The following TRPC7 variants were observed in gnomAD, a reference collection of about 807,000 sequenced individuals.
The protein encoded by TRPC7 is transient receptor potential cation channel subfamily C member 7, also known as short transient receptor potential channel 7.
In TRPC7, 42 loss-of-function variants were observed where a neutral mutation model predicts 90.1. The observed-to-expected ratio is 0.47, with a 90% CI of 0.36 to 0.60. The LOEUF (loss-of-function observed/expected upper bound fraction) is 0.60. Ranked by LOEUF, TRPC7 falls within the 20% of genes least tolerant of loss-of-function variation. The pLI is 0.00. For synonymous variants in TRPC7, 451 were observed against 436.3 expected (o/e 1.03, Z -0.42); for missense variants, 955 against 1,112.3 (o/e 0.86, Z 2.01).
intron 3 of TRPC7, 54 bp downstream of exon 3, chr5:136,315,543 C>T: frequency 6.3e-7 from 1 of 1,583,582 alleles, no homozygotes; most frequent in Non-Finnish European, 8.6e-7. Context: ...GCAAGGCCAG[C>T]AGCCCCGAGA....
chr5:136,301,332 ATTTTTTTTTTTTT>A (rs368799815), intron 3 of TRPC7, among the ~76,000 whole-genome samples: 3 of 85,710 alleles, frequency 3.5e-5, no homozygotes, highest in Admixed American at 1.4e-4. Context: ...CAGCCCAGGC[ATTTTTTTTTTTTT>A]TTTTTTTTTT....
At position 136,231,431 on chromosome 5, in the gene TRPC7, C is replaced by T. The variant is rs150500079; in HGVS notation, c.1963G>A (p.Val655Ile). 2.4e-5 allele frequency: 39 copies of T among 1,613,018 alleles called. No individual in the cohort carries two copies. The Admixed American group carries it at 2.5e-4, about 10-fold the overall frequency. Residue 655 changes from valine (V) to isoleucine (I), a missense_variant, in exon 8 of 12, where the codon GTT becomes ATT. Physicochemically the swap from Val to Ile is conservative, Grantham distance 29. This residue lies in a region of TRPC7 where 296 missense variants were observed against 422.7 expected (regional missense o/e 0.70). Coordinates refer to ENST00000513104, the MANE Select transcript of TRPC7 (RefSeq NM_020389.3). ...ACTACCACCATGGTGACGTTATAAA[C>T]GCCGTAGAGAACGTAGCCAATGTTC... is the stretch of plus-strand genomic sequence containing the variant. ...IENIGYVLYG[V>I]YNVTMVVVLL... is the part of the protein sequence containing the mutation.
rs570769021 is a variant in TRPC7, at chr5:136,285,626, A to G, written c.964-10789T>C. ...CTTCTAGCCACTATAAGTCAAACCT[A>G]TAGCAAAGACACTACCCTCAGACTC... On this transcript the variant is annotated intron_variant, in intron 3 of 11. Transcript: ENST00000513104. 2.6e-5 allele frequency among the ~76,000 whole-genome samples: 4 copies of G among 152,296 alleles called. No individual in the cohort carries two copies. In the South Asian group the frequency reaches 6.2e-4, roughly 24 times the overall value.
At chr5:136,347,338 T>C (rs1020821454) in intron 2 of TRPC7, among the ~76,000 whole-genome samples, 20 of 152,214 alleles carry the variant, frequency 1.3e-4, no homozygotes, top group African/African-American at 4.1e-4. Flanking sequence ...ACCCAGTCTC[T>C]TCTTGGCATG....
At chr5:136,327,600 G>A (rs1288806129) in intron 2 of TRPC7, among the ~76,000 whole-genome samples, 3 of 152,210 alleles carry the variant, frequency 2.0e-5, no homozygotes, top group African/African-American at 4.8e-5. Context: ...TGGAGGAAGG[G>A]ATCTGACAGT....
chr5:136,344,271 A>C (rs898508964), intron 2 of TRPC7, among the ~76,000 whole-genome samples: 1 of 152,202 alleles, frequency 6.6e-6, no homozygotes, highest in Non-Finnish European at 1.5e-5. Flanking sequence ...GGGCCTACTC[A>C]AGGATGAAGG....
intron 7 of TRPC7, among the ~76,000 whole-genome samples, chr5:136,240,953 C>T (rs1025017661): frequency 1.9e-4 from 29 of 151,778 alleles, no homozygotes; most frequent in Non-Finnish European, 2.8e-4. Flanking sequence ...AGCTCTAAGC[C>T]GAGTACGTGA....
At chr5:136,251,331 G>A (rs1431415370) in intron 6 of TRPC7, among the ~76,000 whole-genome samples, 1 of 152,172 alleles carries the variant, frequency 6.6e-6, no homozygotes, top group Non-Finnish European at 1.5e-5. Context: ...GAAACAAGAC[G>A]TTTCTTAAAA....
intron 4 of TRPC7, among the ~76,000 whole-genome samples, chr5:136,271,945 T>C (rs1757225137): frequency 6.6e-6 from 1 of 152,232 alleles, no homozygotes; most frequent in Non-Finnish European, 1.5e-5. Flanking sequence ...GCAGTCATTA[T>C]GGCTGGCTAA....
intron 8 of TRPC7, among the ~76,000 whole-genome samples, chr5:136,228,901 T>C (rs138733767): frequency 6.6e-6 from 1 of 152,320 alleles, no homozygotes; most frequent in African/African-American, 2.4e-5. Context: ...GTGGGATAAC[T>C]TGACATCACA....
chr5:136,341,485 A>T lies in TRPC7; in HGVS notation c.780+15123T>A, dbSNP rs573169450. 1.3e-4 allele frequency among the ~76,000 whole-genome samples: 20 copies of T among 152,154 alleles called. No homozygotes were observed. In the South Asian group the frequency reaches 4.2e-3, roughly 32 times the overall value. On this transcript the variant is annotated intron_variant, in intron 2 of 11. Transcript: ENST00000513104. ...CATATACATATATATACACACACAC[A>T]CACACACCTATGTATAAATAAAAGA...
rs747658098 is a variant in TRPC7, at chr5:136,266,242, C to A, written c.1323G>T (p.Met441Ile). Reference sequence around the variant, plus strand: ...TACCTAAGACCCACTTCATAATGAGCATTTCTGTCCAGGAGAACTGTGTGG... The same window carrying A: ...TACCTAAGACCCACTTCATAATGAGAATTTCTGTCCAGGAGAACTGTGTGG... ...VKTTQFSWTE[M>I]LIMKWVLGMI... is the part of the protein sequence containing the mutation. Residue 441 changes from methionine to isoleucine, a missense_variant, in exon 5 of 12, where the codon ATG (methionine) becomes ATT (isoleucine). By Grantham distance (10) the Met-to-Ile change is conservative. Transcript: ENST00000513104. The A allele has an allele frequency of 3.7e-6, 6 of 1,613,828 alleles. No homozygotes were observed. The highest frequency in any genetic ancestry group is 4.2e-6 in the Non-Finnish European group (5 of 1,179,764).
At chr5:136,355,539 C>T (rs773530246) in intron 2 of TRPC7, among the ~76,000 whole-genome samples, 1 of 152,200 alleles carries the variant, frequency 6.6e-6, no homozygotes, top group Admixed American at 6.5e-5. Flanking sequence ...TGGCTCACGC[C>T]TATAATCTCA....
intron 3 of TRPC7, among the ~76,000 whole-genome samples, chr5:136,293,900 C>G (rs964835369): frequency 2.0e-5 from 3 of 152,032 alleles, no homozygotes; most frequent in South Asian, 4.1e-4. Context: ...ATACTACAAG[C>G]CTACAGTAAC....
Position 136,357,399 on chromosome 5 carries a change from C to G in TRPC7, c.3-14G>C. On this transcript the variant is annotated splice_polypyrimidine_tract_variant and intron_variant, in intron 1 of 11. Coordinates refer to ENST00000513104, the MANE Select transcript of TRPC7 (RefSeq NM_020389.3). The stretch of plus-strand genomic sequence containing the variant: ...CTGTTCCTCAACCTATGGGACAAGG[C>G]AAAGATGCCCTGTTACTTTCCTGCG... 1 of 1,570,196 alleles carries G rather than the reference C, an allele frequency of 6.4e-7. No individual in the cohort carries two copies.
intron 3 of TRPC7, among the ~76,000 whole-genome samples, chr5:136,291,102 G>T (rs1222020812): frequency 6.6e-6 from 1 of 152,172 alleles, no homozygotes; most frequent in African/African-American, 2.4e-5. Context: ...GAGAGATTTA[G>T]TCACCACCAG....
chr5:136,290,723 T>C (rs1757914034), intron 3 of TRPC7, among the ~76,000 whole-genome samples: 1 of 152,186 alleles, frequency 6.6e-6, no homozygotes, highest in African/African-American at 2.4e-5. Flanking sequence ...CTCTGCAGGA[T>C]ATTATCCAGG....
intron 3 of TRPC7, among the ~76,000 whole-genome samples, chr5:136,291,723 G>C (rs1293249677): frequency 1.3e-5 from 2 of 152,070 alleles, no homozygotes; most frequent in Non-Finnish European, 2.9e-5. Context: ...GTCAACATTA[G>C]ACAGATCAAC....
chr5:136,237,290 C>T (rs1473662106), intron 7 of TRPC7, among the ~76,000 whole-genome samples: 1 of 152,164 alleles, frequency 6.6e-6, no homozygotes, highest in African/African-American at 2.4e-5. Context: ...ATGCCAAGAA[C>T]TGGGATATGT....
Sources: allele counts gnomAD v4.1 joint callset (sites outside exome capture counted in the v4.1 genomes callset), GRCh38; gene constraint gnomAD v4.1.1; regional missense constraint gnomAD v4.1.1; transcripts MANE v1.5; gene names NCBI Gene and HGNC (gene_info 2026-07-23, HGNC 2026-07-21).